The following BACH2 variants were observed in gnomAD, a reference collection of about 807,000 sequenced individuals.
BACH2 encodes BACH transcriptional regulator 2, also known as transcription regulator protein BACH2.
In BACH2, 5 loss-of-function variants were observed where a neutral mutation model predicts 61.8. The observed-to-expected ratio is 0.08, with a 90% CI of 0.04 to 0.17. The LOEUF (loss-of-function observed/expected upper bound fraction) is 0.17. Ranked by LOEUF, BACH2 falls within the 10% of genes least tolerant of loss-of-function variation. The pLI, the probability that BACH2 is intolerant of heterozygous loss-of-function variation, is 1.00. For missense variants in BACH2, 824 were observed against 1,091.1 expected (o/e 0.76, Z 3.45); for synonymous variants, 446 against 440.1 (o/e 1.01, Z -0.17).
intron 4 of BACH2, among the ~76,000 whole-genome samples, chr6:90,189,813 C>A (rs1476305593): frequency 6.6e-6 from 1 of 152,116 alleles, no homozygotes; most frequent in Non-Finnish European, 1.5e-5. Context: ...TGAGCCATGA[C>A]ACATATGAGA....
chr6:89,932,731 G>T lies in BACH2; in HGVS notation c.2203C>A (p.Pro735Thr). The change falls in exon 9 of 9, where the codon CCC (proline) becomes ACC (threonine). Residue 735 changes from proline (P) to threonine (T), a missense_variant. Physicochemically the swap from Pro to Thr is conservative, Grantham distance 38. Around this residue, in one of 8 missense-constraint regions of BACH2, gnomAD observed 135 missense variants for 142.7 expected, o/e 0.95. Coordinates refer to ENST00000257749, the MANE Select transcript of BACH2 (RefSeq NM_021813.4). ...ALHRYCPVLR[P>T]MDLPTASSIN... ...CTGGAGGCCGTGGGCAAGTCCATGG[G>T]TCTGAGGACAGGGCAATACCGATGC... 6.2e-7 allele frequency: 1 copy of T among 1,614,206 alleles called. No homozygotes were observed. The highest frequency in any genetic ancestry group is 8.5e-7 in the Non-Finnish European group (1 of 1,180,034).
chr6:90,145,525 T>C (rs1784587129), intron 4 of BACH2, among the ~76,000 whole-genome samples: 1 of 152,190 alleles, frequency 6.6e-6, no homozygotes, highest in Non-Finnish European at 1.5e-5. Flanking sequence ...ATATAAACTT[T>C]TCAGTGAAGA....
At chr6:89,943,552 A>G (rs1032575936) in intron 7 of BACH2, among the ~76,000 whole-genome samples, 1 of 152,092 alleles carries the variant, frequency 6.6e-6, no homozygotes, top group Non-Finnish European at 1.5e-5. Context: ...GCTCTGGTAG[A>G]TTTCCCCGTG....
At chr6:90,155,715 T>C (rs939830235) in intron 4 of BACH2, among the ~76,000 whole-genome samples, 5 of 152,202 alleles carry the variant, frequency 3.3e-5, no homozygotes, top group Non-Finnish European at 7.4e-5. Context: ...TTTAAATTTT[T>C]TTCCTAGCAA....
At chr6:90,106,607 G>C (rs932928778) in intron 4 of BACH2, among the ~76,000 whole-genome samples, 1 of 152,172 alleles carries the variant, frequency 6.6e-6, no homozygotes, top group Non-Finnish European at 1.5e-5. Flanking sequence ...GTACTTCTCA[G>C]AATGCATCCT....
chr6:90,205,978 A>C (rs1393832316), intron 4 of BACH2, among the ~76,000 whole-genome samples: 1 of 152,196 alleles, frequency 6.6e-6, no homozygotes, highest in Non-Finnish European at 1.5e-5. Context: ...AATAAATCAA[A>C]ATGGAAAAGA....
intron 5 of BACH2, among the ~76,000 whole-genome samples, chr6:90,033,351 T>TAAAAAAAAA (rs57759686): frequency 1.2e-5 from 1 of 83,364 alleles, no homozygotes; most frequent in Non-Finnish European, 2.8e-5. Context: ...GAAACTTAAA[T>TAAAAAAAAA]AAAAAAAAAA....
At chr6:90,182,028 A>G (rs1382685129) in intron 4 of BACH2, among the ~76,000 whole-genome samples, 1 of 152,194 alleles carries the variant, frequency 6.6e-6, no homozygotes, top group African/African-American at 2.4e-5. Flanking sequence ...CGTCAATCTC[A>G]GGAGCTGCTT....
At chr6:90,172,569 G>A (rs1046605575) in intron 4 of BACH2, among the ~76,000 whole-genome samples, 1 of 151,680 alleles carries the variant, frequency 6.6e-6, no homozygotes, top group African/African-American at 2.4e-5. Flanking sequence ...CATAAAAAAA[G>A]CTCTGGGGGA....
chr6:90,257,611 T>C (rs1352876309), intron 2 of BACH2, among the ~76,000 whole-genome samples: 1 of 152,218 alleles, frequency 6.6e-6, no homozygotes, highest in Non-Finnish European at 1.5e-5. Flanking sequence ...CTGATAAATT[T>C]TGGCTACTAA....
intron 6 of BACH2, among the ~76,000 whole-genome samples, chr6:89,985,539 G>GTCA (rs1776195475): frequency 1.3e-5 from 2 of 152,174 alleles, no homozygotes; most frequent in Non-Finnish European, 2.9e-5. Flanking sequence ...GTCCCTGAGA[G>GTCA]TGACACAGGG....
chr6:90,028,528 G>C (rs1395842010), intron 5 of BACH2, among the ~76,000 whole-genome samples: 1 of 152,178 alleles, frequency 6.6e-6, no homozygotes, highest in African/African-American at 2.4e-5. Flanking sequence ...AGTGGTGACA[G>C]GTCAGGCTCT....
chr6:89,953,610 G>A lies in BACH2; in HGVS notation c.244-1748C>T, dbSNP rs1424374245. Among the ~76,000 whole-genome samples the A allele has an allele frequency of 2.6e-5, 4 of 152,168 alleles. No homozygotes were observed. In the East Asian group the frequency reaches 7.7e-4, roughly 29 times the overall value. On this transcript the variant is annotated intron_variant, in intron 6 of 8. Coordinates refer to ENST00000257749, the MANE Select transcript of BACH2 (RefSeq NM_021813.4). Reference sequence around the variant, plus strand: ...CAGCAAGCTCCTTCAGATCAGGAATGGTTTTGTCTGTCTTTGTAACCTTGC... The same window carrying A: ...CAGCAAGCTCCTTCAGATCAGGAATAGTTTTGTCTGTCTTTGTAACCTTGC...
At chr6:90,226,795 A>C (rs773008047) in intron 3 of BACH2, among the ~76,000 whole-genome samples, 6 of 152,152 alleles carry the variant, frequency 3.9e-5, no homozygotes, top group Non-Finnish European at 8.8e-5. Context: ...CTGAAAAGTT[A>C]ATACAACAAT....
At chr6:90,073,003 A>G (rs1343965992) in intron 5 of BACH2, among the ~76,000 whole-genome samples, 1 of 152,194 alleles carries the variant, frequency 6.6e-6, no homozygotes, top group Non-Finnish European at 1.5e-5. Context: ...TCCCTGGCTC[A>G]TTTACAACGA....
intron 5 of BACH2, among the ~76,000 whole-genome samples, chr6:90,075,581 A>G (rs777291090): frequency 1.3e-5 from 2 of 152,138 alleles, no homozygotes; most frequent in Non-Finnish European, 2.9e-5. Context: ...CCTGACCCCA[A>G]CAGAGTATTA....
At chr6:90,134,719 G>A (rs1307798966) in intron 4 of BACH2, among the ~76,000 whole-genome samples, 1 of 152,356 alleles carries the variant, frequency 6.6e-6, no homozygotes, top group Non-Finnish European at 1.5e-5. Flanking sequence ...TTTGCTAGAG[G>A]AGCTGGTATT....
chr6:89,927,264 C>T lies in BACH2; in HGVS notation c.*5144G>A, dbSNP rs1260676754. On this transcript the variant is annotated 3_prime_UTR_variant, in exon 9 of 9. Transcript: ENST00000257749. ...CACTAGAGGTGCCATGTCTTTATGT[C>T]AGAGCGTGAAACGGGCATCCCAGGA... 1 of 151,756 alleles carries T rather than the reference C, an allele frequency of 6.6e-6. No individual in the cohort carries two copies. The allele number at this position is 151,756 out of a possible 1,614,324, so 9.4% of individuals were successfully genotyped here.
intron 4 of BACH2, among the ~76,000 whole-genome samples, chr6:90,180,892 T>C (rs186821820): frequency 0.019 from 2,665 of 141,588 alleles, 47 homozygotes; most frequent in East Asian, 0.072. Context: ...CACACACACA[T>C]TCCTCACATG....
Sources: gnomAD v4.1 joint callset for allele counts (sites outside exome capture counted in the v4.1 genomes callset) on GRCh38, gnomAD v4.1.1 for gene constraint, gnomAD v4.1.1 regional missense constraint, MANE v1.5 for transcripts, NCBI Gene and HGNC (gene_info 2026-07-23, HGNC 2026-07-21) for gene names.